KDM5B: variants seen among roughly 807,000 people sequenced by gnomAD.
KDM5B encodes lysine demethylase 5B.
Under a neutral mutation model 193.4 loss-of-function variants are expected in KDM5B, and 144 were observed. The ratio of observed to expected loss-of-function variants is 0.74; its 90% CI spans 0.65 to 0.86. The LOEUF is 0.86. Among genes scored for constraint, KDM5B ranks in the 40% least tolerant of loss-of-function variants. KDM5B has a pLI of 0.00. For synonymous variants in KDM5B, 668 were observed against 682.6 expected, an observed-to-expected ratio of 0.98 and a Z score of 0.33; for missense variants, 1,833 against 1,886.9, an observed-to-expected ratio of 0.97 and a Z score of 0.53.
Position 202,748,979 on chromosome 1 carries a change from T to A in KDM5B, c.1982A>T (p.Asp661Val), listed in dbSNP as rs1252946962. The change falls in exon 14 of 27, where the codon GAT becomes GTT. Residue 661 changes from aspartate to valine, a missense_variant. Asp to Val is a radical substitution (Grantham distance 152, BLOSUM62 -3). Around this residue, in one of 3 missense-constraint regions of KDM5B, gnomAD observed 1,379 missense variants for 1,349.6 expected, o/e 1.02. Coordinates refer to ENST00000367265, the MANE Select transcript of KDM5B (RefSeq NM_006618.5). ...VQKDMAIMIE[D>V]EKALRETVRK... is the part of the protein sequence containing the mutation. ...GACAGTTTCTCTTAAAGCTTTCTCA[T>A]CCTCAATCATAATGGCCATGTCTTT... The A allele has an allele frequency of 5.6e-6, 9 of 1,613,148 alleles. No homozygotes were observed. The highest frequency in any genetic ancestry group is 5.9e-6 in the Non-Finnish European group (7 of 1,179,764).
At position 202,802,166 on chromosome 1, in the gene KDM5B, C is replaced by T. The variant is rs1361606381; in HGVS notation, c.204+5936G>A. ...TAGATGGCATTTGGAAAGAAGTACA[C>T]GCATAGGCTTCAAAAAACCCTGAAC... On this transcript the variant is annotated intron_variant, in intron 1 of 26. Coordinates refer to ENST00000367265, the MANE Select transcript of KDM5B (RefSeq NM_006618.5). 5.3e-5 allele frequency among the ~76,000 whole-genome samples: 8 copies of T among 152,092 alleles called. No homozygotes were observed. In the East Asian group the frequency reaches 1.2e-3, roughly 22 times the overall value.
At chr1:202,750,914 T>C in intron 12 of KDM5B, 136 bp from the exon 13 acceptor site, 1 of 789,390 alleles carries the variant, frequency 1.3e-6, no homozygotes, top group Non-Finnish European at 2.0e-6. Context: ...AAACAAATTA[T>C]TATAGTAGAA....
intron 16 of KDM5B, among the ~76,000 whole-genome samples, chr1:202,743,894 A>G (rs1308246743): frequency 6.6e-6 from 1 of 152,238 alleles, no homozygotes; most frequent in Non-Finnish European, 1.5e-5. Flanking sequence ...AAAACCCTGG[A>G]TGACAACCTA....
intron 2 of KDM5B, among the ~76,000 whole-genome samples, chr1:202,775,879 A>AAATAT (rs1553358956): frequency 6.4e-5 from 6 of 93,200 alleles, no homozygotes; most frequent in Admixed American, 3.2e-4. Flanking sequence ...AAAAAAAAAA[A>AAATAT]ATATATATAT....
intron 13 of KDM5B, among the ~76,000 whole-genome samples, chr1:202,749,870 T>C (rs1655723818): frequency 6.6e-6 from 1 of 152,180 alleles, no homozygotes; most frequent in African/African-American, 2.4e-5. Flanking sequence ...TATAACAAAG[T>C]TATAATTCAT....
rs926348126 is a variant in KDM5B at position 202,760,323 on chromosome 1, T to A, written c.1077+92A>T. The A allele has an allele frequency of 9.4e-5, 83 of 884,974 alleles. 1 individual carries two copies. The highest frequency in any genetic ancestry group is 5.6e-4 in the South Asian group (29 of 52,208). 54.8% of individuals were successfully genotyped at this position (884,974 alleles called of 1,614,324 possible). A position where few individuals can be genotyped will look rare whatever the true frequency, so the allele number is the denominator to read the frequency against. On this transcript the variant is annotated intron_variant, in intron 8 of 26. Coordinates refer to ENST00000367265, the MANE Select transcript of KDM5B (RefSeq NM_006618.5). ...AAAGTGAGTCCTTGTCTAAAAAAAA[T>A]AAAATAAAATAAAATAAAAAATAAA...
At chr1:202,771,055 A>G (rs1558504050) in intron 4 of KDM5B, among the ~76,000 whole-genome samples, 1 of 152,146 alleles carries the variant, frequency 6.6e-6, no homozygotes, top group Non-Finnish European at 1.5e-5. Context: ...ACAACCCACA[A>G]AGCATCATTA....
rs150365754 is a variant in KDM5B, at chr1:202,727,108, T to C, written c.*1928A>G. 1 of 152,138 alleles carries C rather than the reference T, an allele frequency of 6.6e-6. No homozygotes were observed. The highest frequency in any genetic ancestry group is 2.4e-5 in the African/African-American group (1 of 41,458). 9.4% of individuals were successfully genotyped at this position (152,138 alleles called of 1,614,324 possible). On this transcript the variant is annotated 3_prime_UTR_variant, in exon 27 of 27. Transcript: ENST00000367265. ...GAAGAAAAACTAGTGGGGATGGGGGTAGGGGTTGTGCTTACTAAGATGGCA... is the reference window on the plus strand; with the variant it reads ...GAAGAAAAACTAGTGGGGATGGGGGCAGGGGTTGTGCTTACTAAGATGGCA...
At chr1:202,751,171 T>C (rs1278342472) in intron 12 of KDM5B, among the ~76,000 whole-genome samples, 1 of 152,142 alleles carries the variant, frequency 6.6e-6, no homozygotes, top group African/African-American at 2.4e-5. Flanking sequence ...GTCCTCCTCA[T>C]TTGGAACTCA....
At chr1:202,733,220 G>A (rs1304258559) in intron 23 of KDM5B, among the ~76,000 whole-genome samples, 181 bp downstream of exon 23, 1 of 152,164 alleles carries the variant, frequency 6.6e-6, no homozygotes, top group Non-Finnish European at 1.5e-5. Context: ...TAGGAGCAGA[G>A]GAAATTAAAA....
intron 1 of KDM5B, among the ~76,000 whole-genome samples, chr1:202,779,087 T>A (rs1177756739): frequency 6.6e-6 from 1 of 152,188 alleles, no homozygotes; most frequent in Non-Finnish European, 1.5e-5. Flanking sequence ...TAATTTTACA[T>A]CCTTGTTTGT....
chr1:202,746,843 A>T (rs1463557633), intron 14 of KDM5B, among the ~76,000 whole-genome samples: 1 of 152,212 alleles, frequency 6.6e-6, no homozygotes, highest in African/African-American at 2.4e-5. Flanking sequence ...ATATGAAAGG[A>T]TATCATTAAC....
chr1:202,758,494 T>C lies in KDM5B; in HGVS notation c.1094A>G (p.Gln365Arg). 2 of 1,610,916 alleles carry C rather than the reference T, an allele frequency of 1.2e-6. No individual in the cohort carries two copies. Among genetic ancestry groups the C allele is most frequent in the Non-Finnish European group, 1.7e-6 (2 of 1,177,630 alleles). The change falls in exon 9 of 27, where the codon CAA (glutamine) becomes CGA (arginine). Residue 365 changes from glutamine (Q) to arginine (R), a missense_variant. By Grantham distance (43) the Gln-to-Arg change is conservative. Around this residue, in one of 3 missense-constraint regions of KDM5B, gnomAD observed 99 missense variants for 162.4 expected, o/e 0.61. Transcript: ENST00000367265. ...TGCTTGTTCAAAGCCAAATGCTTCT[T>C]GTGGCTTACTACATTCCTGAAAATA... ...KCLAQECSKP[Q>R]EAFGFEQAAR...
chr1:202,727,063 TACC>T lies in KDM5B; in HGVS notation c.*1970_*1972del, dbSNP rs72047459. 0.059 allele frequency: 8,946 copies of T among 152,334 alleles called. 445 individuals are homozygous for T. Among genetic ancestry groups the T allele is most frequent in the East Asian group, 0.24 (1,259 of 5,168 alleles). 9.4% of individuals were successfully genotyped at this position (152,334 alleles called of 1,614,324 possible). On this transcript the variant is annotated 3_prime_UTR_variant, in exon 27 of 27. Coordinates refer to ENST00000367265, the MANE Select transcript of KDM5B (RefSeq NM_006618.5). The stretch of plus-strand genomic sequence containing the variant: ...AAAGATGCTATTGTCAGGGACTGTG[TACC>T]ACCACCCACAGGTGAAGAAGAAAAA...
rs558975598 is a variant in KDM5B, at chr1:202,764,148, TA to T, written c.712-4del. The T allele has an allele frequency of 4.1e-3, 5,964 of 1,453,642 alleles. 15 individuals carry two copies. Among genetic ancestry groups the T allele is most frequent in the Non-Finnish European group, 5.0e-3 (5,375 of 1,069,188 alleles). 90.0% of individuals were successfully genotyped at this position (1,453,642 alleles called of 1,614,324 possible). ...GGTTCTATTTTAATATTCATGGCCT[TA>T]AAAAAATTGTCATATACATGAATAT... On this transcript the variant is annotated splice_region_variant and splice_polypyrimidine_tract_variant and intron_variant, in intron 5 of 26. Coordinates refer to ENST00000367265, the MANE Select transcript of KDM5B (RefSeq NM_006618.5).
chr1:202,767,270 T>G, intron 4 of KDM5B: 1 of 1,607,390 alleles, frequency 6.2e-7, no homozygotes, highest in Non-Finnish European at 8.5e-7. Flanking sequence ...AGGAAGGGTA[T>G]AGCAAACGCA....
Position 202,773,148 on chromosome 1 carries a change from G to C in KDM5B, c.546C>G (p.Tyr182Ter). The change falls in exon 4 of 27, where the codon TAC becomes TAG. Residue 182 changes from tyrosine (Y) to a stop codon, truncating the protein, a stop_gained. Transcript: ENST00000367265. LOFTEE classifies it high-confidence loss of function. ...RGHYERILNP[Y>*]NLFLSGDSLR... ...GGCTGTCTCCGGACAGGAATAAGTT[G>C]TAGGGGTTGAGAATTCGTTCATAAT... 6.2e-7 allele frequency: 1 copy of C among 1,613,596 alleles called. No individual in the cohort carries two copies. The highest frequency in any genetic ancestry group is 8.5e-7 in the Non-Finnish European group (1 of 1,179,490).
At chr1:202,799,440 G>A (rs558056488) in intron 1 of KDM5B, among the ~76,000 whole-genome samples, 1 of 152,296 alleles carries the variant, frequency 6.6e-6, no homozygotes, top group Admixed American at 6.5e-5. Flanking sequence ...GGTCACCTGA[G>A]GTCGGGAGTT....
rs999154625 is a variant in KDM5B at position 202,775,062 on chromosome 1, A to G, written c.283-327T>C. ...CGAGACCAGCCTGGCCAACATGATG[A>G]AACCCCCCATCTCTATTAACAAAAA... On this transcript the variant is annotated intron_variant, in intron 2 of 26. Coordinates refer to ENST00000367265, the MANE Select transcript of KDM5B (RefSeq NM_006618.5). Among the ~76,000 whole-genome samples, 36 of 73,744 alleles carry G rather than the reference A, an allele frequency of 4.9e-4. No homozygotes were observed. The Admixed American group carries it at 7.7e-3, about 16-fold the overall frequency. 48.4% of individuals were successfully genotyped at this position (73,744 alleles called of 152,430 possible).
Sources: gnomAD v4.1 joint callset for allele counts (sites outside exome capture counted in the v4.1 genomes callset) on GRCh38, gnomAD v4.1.1 for gene constraint, gnomAD v4.1.1 regional missense constraint, MANE v1.5 for transcripts, NCBI Gene and HGNC (gene_info 2026-07-23, HGNC 2026-07-21) for gene names.